SLC26A7: variants seen among roughly 807,000 people sequenced by gnomAD.
The protein encoded by SLC26A7 is solute carrier family 26 member 7.
Under a neutral mutation model 82.5 loss-of-function variants are expected in SLC26A7, and 59 were observed. That is an observed-to-expected ratio of 0.72 (90% CI 0.58 to 0.89). The LOEUF is 0.89. Among genes scored for constraint, SLC26A7 ranks in the 40% least tolerant of loss-of-function variants. The pLI, the probability that SLC26A7 is intolerant of heterozygous loss-of-function variation, is 0.00. For missense variants in SLC26A7, 820 were observed against 793.0 expected (o/e 1.03, Z -0.41); for synonymous variants, 271 against 274.3 (o/e 0.99, Z 0.12).
intron 2 of SLC26A7, among the ~76,000 whole-genome samples, chr8:91,273,062 C>G (rs1402893258): frequency 6.6e-6 from 1 of 152,122 alleles, no homozygotes. Flanking sequence ...ATTTTGATGA[C>G]TTCCAGGTTT....
chr8:91,358,488 C>A (rs553626577), intron 11 of SLC26A7, among the ~76,000 whole-genome samples: 1 of 151,878 alleles, frequency 6.6e-6, no homozygotes, highest in African/African-American at 2.4e-5. Context: ...CGCCACCAGG[C>A]CTGGCTAATT....
At chr8:91,344,024 T>A in intron 9 of SLC26A7, 2 of 977,492 alleles carry the variant, frequency 2.0e-6, no homozygotes, top group Non-Finnish European at 2.4e-6. Flanking sequence ...ATGATGATGA[T>A]GACGATGTTG....
At chr8:91,332,158 T>C (rs888570336) in intron 5 of SLC26A7, among the ~76,000 whole-genome samples, 2 of 146,788 alleles carry the variant, frequency 1.4e-5, no homozygotes, top group Non-Finnish European at 3.0e-5. Context: ...TATATATATA[T>C]ACACACACAT....
At chr8:91,359,898 G>A (rs539542327) in intron 11 of SLC26A7, among the ~76,000 whole-genome samples, 85 of 150,908 alleles carry the variant, frequency 5.6e-4, no homozygotes, top group Non-Finnish European at 7.7e-4. Context: ...GTGTGTGTGC[G>A]CATGTGTGTG....
intron 1 of SLC26A7, among the ~76,000 whole-genome samples, chr8:91,217,172 G>C (rs140428008): frequency 6.6e-6 from 1 of 152,162 alleles, no homozygotes; most frequent in African/African-American, 2.4e-5. Context: ...GGGATTGTTT[G>C]CTGTATATCT....
At chr8:91,236,138 T>A (rs1209510479) in intron 2 of SLC26A7, among the ~76,000 whole-genome samples, 1 of 152,218 alleles carries the variant, frequency 6.6e-6, no homozygotes, top group Non-Finnish European at 1.5e-5. Flanking sequence ...ATATCTTAAT[T>A]TGTGTTTTGG....
At chr8:91,266,940 G>T (rs1811129065) in intron 2 of SLC26A7, among the ~76,000 whole-genome samples, 1 of 151,742 alleles carries the variant, frequency 6.6e-6, no homozygotes, top group Non-Finnish European at 1.5e-5. Flanking sequence ...GAGAGTTTTT[G>T]TCATGAAGCG....
chr8:91,220,871 A>G (rs931270443), intron 2 of SLC26A7, among the ~76,000 whole-genome samples: 1 of 152,290 alleles, frequency 6.6e-6, no homozygotes. Flanking sequence ...TATACCCAGT[A>G]ATGGGATTGC....
chr8:91,342,530 G>T (rs1309690837), intron 8 of SLC26A7, among the ~76,000 whole-genome samples: 1 of 152,162 alleles, frequency 6.6e-6, no homozygotes, highest in East Asian at 1.9e-4. Flanking sequence ...ATTGGATATG[G>T]GTGCCATTCG....
chr8:91,376,915 A>ATATAGACT (rs1033903847), intron 15 of SLC26A7, among the ~76,000 whole-genome samples: 1 of 152,040 alleles, frequency 6.6e-6, no homozygotes, highest in African/African-American at 2.4e-5. Flanking sequence ...CCTTCAGTTT[A>ATATAGACT]TATAGACTTT....
chr8:91,384,609 C>T (rs1372950570), intron 15 of SLC26A7, among the ~76,000 whole-genome samples: 2 of 152,136 alleles, frequency 1.3e-5, no homozygotes, highest in Non-Finnish European at 2.9e-5. Context: ...CCTCATCACA[C>T]TTTAATTTAC....
intron 5 of SLC26A7, among the ~76,000 whole-genome samples, chr8:91,331,355 G>C (rs144619038): frequency 1.3e-5 from 2 of 152,056 alleles, no homozygotes; most frequent in African/African-American, 2.4e-5. Flanking sequence ...TGAATTTAAT[G>C]GATGTAGACT....
At position 91,393,992 on chromosome 8, in the gene SLC26A7, T is replaced by G. The variant is rs147166039; in HGVS notation, c.1888T>G (p.Phe630Val). ...YGNLDSEKPIFFESVSAAISH... is the reference protein window; with the variant it reads ...YGNLDSEKPIVFESVSAAISH... The stretch of plus-strand genomic sequence containing the variant: ...AAACCTAGACTCAGAGAAACCAATT[T>G]TTTTTGAATCGGTATCTGCTGCAAT... Residue 630 changes from phenylalanine (F) to valine (V), a missense_variant, in exon 18 of 19, where the codon TTT becomes GTT. Phe to Val is a conservative substitution (Grantham distance 50). Coordinates refer to ENST00000276609, the MANE Select transcript of SLC26A7 (RefSeq NM_052832.4). 1.2e-4 allele frequency: 198 copies of G among 1,613,800 alleles called. No individual in the cohort carries two copies. The highest frequency in any genetic ancestry group is 4.9e-4 in the Middle Eastern group (3 of 6,062).
At chr8:91,356,997 T>G (rs1010152301) in intron 11 of SLC26A7, among the ~76,000 whole-genome samples, 10 of 152,300 alleles carry the variant, frequency 6.6e-5, no homozygotes, top group African/African-American at 1.9e-4. Context: ...GATCTCATGC[T>G]GTTGTCATCT....
At chr8:91,358,384 A>G (rs1375029850) in intron 11 of SLC26A7, among the ~76,000 whole-genome samples, 1 of 140,784 alleles carries the variant, frequency 7.1e-6, no homozygotes, top group East Asian at 2.1e-4. Context: ...GCTGGAGTGC[A>G]GTGGCACAAT....
At chr8:91,339,509 G>C (rs1453350678) in intron 7 of SLC26A7, among the ~76,000 whole-genome samples, 1 of 152,096 alleles carries the variant, frequency 6.6e-6, no homozygotes, top group African/African-American at 2.4e-5. Context: ...GCTTGGTTTG[G>C]AGGTTGTTGG....
Position 91,363,480 on chromosome 8 carries a change from C to A in SLC26A7, c.1430C>A (p.Thr477Asn). The change falls in exon 13 of 19, where the codon ACT (threonine) becomes AAT (asparagine). Residue 477 changes from threonine (T) to asparagine (N), a missense_variant. By Grantham distance (65) the Thr-to-Asn change is moderately conservative (BLOSUM62 0). Coordinates refer to ENST00000276609, the MANE Select transcript of SLC26A7 (RefSeq NM_052832.4). ...IVIGRFPRAM[T>N]VSIKNMKEME... The stretch of plus-strand genomic sequence containing the variant: ...ATCTGCTTTAATTTCAGAGCAATGA[C>A]TGTAAGTATAAAAAATATGAAAGAA... The A allele has an allele frequency of 6.7e-7, 1 of 1,496,762 alleles. No homozygotes were observed. Among genetic ancestry groups the A allele is most frequent in the South Asian group, 1.2e-5 (1 of 83,730 alleles). 92.7% of individuals were successfully genotyped at this position (1,496,762 alleles called of 1,614,324 possible).
At position 91,323,520 on chromosome 8, in the gene SLC26A7, T is replaced by C. The variant is rs188004320; in HGVS notation, c.642+5140T>C. On this transcript the variant is annotated intron_variant, in intron 5 of 18. Coordinates refer to ENST00000276609, the MANE Select transcript of SLC26A7 (RefSeq NM_052832.4). ...GATGCCACCTGGACCTTGGAATGCTTGGTTGTATGTTTGGTCCAAGTGACT... is the reference window on the plus strand; with the variant it reads ...GATGCCACCTGGACCTTGGAATGCTCGGTTGTATGTTTGGTCCAAGTGACT... Among the ~76,000 whole-genome samples the C allele has an allele frequency of 3.9e-4, 59 of 152,296 alleles. 1 individual carries two copies. The highest frequency in any genetic ancestry group is 1.3e-3 in the African/African-American group (55 of 41,582).
chr8:91,245,320 A>G (rs1810530307), upstream of SLC26A7, among the ~76,000 whole-genome samples: 1 of 152,164 alleles, frequency 6.6e-6, no homozygotes, highest in Admixed American at 6.5e-5. Context: ...TAGGCCTTTT[A>G]ATTTTAGAAA....
Sources: allele counts gnomAD v4.1 joint callset (sites outside exome capture counted in the v4.1 genomes callset), GRCh38; gene constraint gnomAD v4.1.1; transcripts MANE v1.5; gene names NCBI Gene and HGNC (gene_info 2026-07-23, HGNC 2026-07-21).